Variants in MDGA2 observed in about 807,000 individuals in gnomAD.
The protein encoded by MDGA2 is MAM domain-containing glycosylphosphatidylinositol anchor protein 2.
A neutral mutation model predicts 117.8 loss-of-function variants in MDGA2; 40 were observed. The ratio of observed to expected loss-of-function variants is 0.34; its 90% CI spans 0.26 to 0.44. The LOEUF is 0.44. Ranked by LOEUF, MDGA2 falls within the 20% of genes least tolerant of loss-of-function variation. The pLI is 1.00. For synonymous variants in MDGA2, 452 were observed against 439.0 expected, an observed-to-expected ratio of 1.03 and a Z score of -0.37; for missense variants, 1,123 against 1,250.6, an observed-to-expected ratio of 0.90 and a Z score of 1.54.
At position 47,097,753 on chromosome 14, in the gene MDGA2, C is replaced by T. The variant is rs143484689; in HGVS notation, c.926-630G>A. On this transcript the variant is annotated intron_variant, in intron 5 of 16. Transcript: ENST00000399232. Reference sequence around the variant, plus strand: ...GGTCTAGGCAGTGAGCTCCTATCAACACAGCTTTAAAACTTAGAAACAAAC... The same window carrying T: ...GGTCTAGGCAGTGAGCTCCTATCAATACAGCTTTAAAACTTAGAAACAAAC... Among the ~76,000 whole-genome samples the T allele has an allele frequency of 5.3e-4, 81 of 152,134 alleles. No homozygotes were observed. In the East Asian group the frequency reaches 0.014, roughly 26 times the overall value.
In MDGA2 at chr14:46,852,632, T is replaced by C. The variant is rs567704637; in HGVS notation, c.2883+2392A>G. Among the ~76,000 whole-genome samples the C allele has an allele frequency of 7.2e-5, 11 of 151,924 alleles. No homozygotes were observed. In the East Asian group the frequency reaches 1.6e-3, roughly 21 times the overall value. On this transcript the variant is annotated intron_variant, in intron 15 of 16. Coordinates refer to ENST00000399232, the MANE Select transcript of MDGA2 (RefSeq NM_001113498.3). ...AAACAGAGGGGTGAATTTGAGTTAA[T>C]AGTGCCCAGCATTCACAGGACTGGG...
intron 9 of MDGA2, among the ~76,000 whole-genome samples, chr14:46,954,498 C>T (rs148717820): frequency 5.1e-4 from 78 of 152,164 alleles, no homozygotes; most frequent in African/African-American, 1.8e-3. Context: ...CTACTTCCTA[C>T]TTCTGTAGAG....
chr14:46,883,693 A>C (rs916781751), intron 10 of MDGA2, among the ~76,000 whole-genome samples: 2 of 152,044 alleles, frequency 1.3e-5, no homozygotes, highest in African/African-American at 4.8e-5. Flanking sequence ...TGTCTTTTAC[A>C]AGCACTTTGA....
intron 3 of MDGA2, among the ~76,000 whole-genome samples, chr14:47,144,507 C>T (rs1386456870): frequency 6.6e-6 from 1 of 151,920 alleles, no homozygotes; most frequent in Non-Finnish European, 1.5e-5. Context: ...TTGTATATTT[C>T]TAACTCTTTG....
chr14:47,016,511 C>A (rs543193812), intron 8 of MDGA2, among the ~76,000 whole-genome samples: 32 of 151,828 alleles, frequency 2.1e-4, no homozygotes, highest in African/African-American at 7.7e-4. Flanking sequence ...AAAGTATTTC[C>A]AAATATACAC....
At chr14:47,295,209 T>C (rs921341047) in intron 2 of MDGA2, among the ~76,000 whole-genome samples, 4 of 152,206 alleles carry the variant, frequency 2.6e-5, no homozygotes, top group Admixed American at 6.5e-5. Context: ...GCTGCTTTGA[T>C]TGATGCACAT....
intron 1 of MDGA2, among the ~76,000 whole-genome samples, chr14:47,523,969 T>G (rs1301058677): frequency 6.6e-6 from 1 of 152,182 alleles, no homozygotes; most frequent in East Asian, 1.9e-4. Context: ...GACAATACTT[T>G]CCAGTAATGC....
intron 2 of MDGA2, among the ~76,000 whole-genome samples, chr14:47,290,101 G>T (rs1404785436): frequency 2.0e-5 from 3 of 150,194 alleles, no homozygotes; most frequent in African/African-American, 7.3e-5. Flanking sequence ...GAGATGAGAA[G>T]AACAAACAAG....
chr14:47,287,196 CA>C (rs1239045353), intron 2 of MDGA2, among the ~76,000 whole-genome samples: 1 of 151,874 alleles, frequency 6.6e-6, no homozygotes, highest in Non-Finnish European at 1.5e-5. Flanking sequence ...TTCACTCCCC[CA>C]AACAGCGTCC....
intron 2 of MDGA2, among the ~76,000 whole-genome samples, chr14:47,300,828 C>T (rs566145528): frequency 6.6e-6 from 1 of 152,080 alleles, no homozygotes; most frequent in Admixed American, 6.6e-5. Flanking sequence ...ATTTTAGTGC[C>T]CTTTAAAAGT....
intron 1 of MDGA2, among the ~76,000 whole-genome samples, chr14:47,384,553 C>T (rs1010370203): frequency 2.5e-4 from 38 of 151,882 alleles, no homozygotes; most frequent in Non-Finnish European, 5.4e-4. Context: ...CAGAGATTTA[C>T]CATTATTTGC....
At chr14:47,352,484 C>T (rs902545752) in intron 1 of MDGA2, among the ~76,000 whole-genome samples, 3 of 152,128 alleles carry the variant, frequency 2.0e-5, no homozygotes, top group East Asian at 1.9e-4. Flanking sequence ...CTCAGCCCAC[C>T]GGCACTCAGG....
At chr14:47,128,248 A>T (rs1882004560) in intron 5 of MDGA2, among the ~76,000 whole-genome samples, 1 of 152,170 alleles carries the variant, frequency 6.6e-6, no homozygotes, top group Non-Finnish European at 1.5e-5. Context: ...ATACATGACA[A>T]GAAAAATCTA....
At chr14:47,616,033 T>A (rs1337103018) in intron 1 of MDGA2, among the ~76,000 whole-genome samples, 1 of 152,080 alleles carries the variant, frequency 6.6e-6, no homozygotes, top group Admixed American at 6.5e-5. Flanking sequence ...CTGGGAGGAA[T>A]GAGTAGGAGC....
intron 10 of MDGA2, among the ~76,000 whole-genome samples, chr14:46,888,447 C>T (rs1882751866): frequency 6.6e-6 from 1 of 151,694 alleles, no homozygotes; most frequent in South Asian, 2.1e-4. Context: ...TCTTTTATCC[C>T]CAGGAGGTAT....
chr14:47,613,219 T>C (rs1896884479), intron 1 of MDGA2, among the ~76,000 whole-genome samples: 1 of 152,190 alleles, frequency 6.6e-6, no homozygotes, highest in Non-Finnish European at 1.5e-5. Context: ...AGCCAGCTAC[T>C]GGCAAGGGTC....
At chr14:46,887,550 C>T (rs906858661) in intron 10 of MDGA2, among the ~76,000 whole-genome samples, 15 of 151,916 alleles carry the variant, frequency 9.9e-5, no homozygotes, top group African/African-American at 3.1e-4. Flanking sequence ...CCAAGGAGTA[C>T]GGCAGAAAAT....
intron 3 of MDGA2, among the ~76,000 whole-genome samples, chr14:47,149,526 A>G (rs1268486800): frequency 2.0e-5 from 3 of 152,180 alleles, no homozygotes; most frequent in Middle Eastern, 3.2e-3. Flanking sequence ...TGCTTTAGTC[A>G]AGGAGGTATT....
intron 8 of MDGA2, among the ~76,000 whole-genome samples, chr14:47,027,009 A>C (rs1888498026): frequency 6.6e-6 from 1 of 151,716 alleles, no homozygotes; most frequent in Admixed American, 6.6e-5. Flanking sequence ...CTGTCTCTTA[A>C]AAAAAATGTA....
Sources: gnomAD v4.1 joint callset for allele counts (sites outside exome capture counted in the v4.1 genomes callset) on GRCh38, gnomAD v4.1.1 for gene constraint, MANE v1.5 for transcripts, NCBI Gene and HGNC (gene_info 2026-07-23, HGNC 2026-07-21) for gene names.